Variants in GRIK4 observed in about 807,000 individuals in gnomAD.
The protein encoded by GRIK4 is glutamate receptor ionotropic, kainate 4.
A neutral mutation model predicts 104.9 loss-of-function variants in GRIK4; 40 were observed. That is an observed-to-expected ratio of 0.38 (90% confidence interval 0.30 to 0.50). The LOEUF is 0.50. Among genes scored for constraint, GRIK4 ranks in the 20% least tolerant of loss-of-function variants. The pLI, the probability that GRIK4 is intolerant of heterozygous loss-of-function variation, is 0.93. For synonymous variants in GRIK4, 485 were observed against 524.9 expected (o/e 0.92, Z 1.04); for missense variants, 1,047 against 1,308.1 (o/e 0.80, Z 3.08).
chr11:120,980,915 C>T (rs1047966870), intron 19 of GRIK4, among the ~76,000 whole-genome samples: 8 of 152,194 alleles, frequency 5.3e-5, no homozygotes, highest in Admixed American at 5.2e-4. Context: ...ACTGAAATGG[C>T]CATAGAGCTA....
chr11:120,812,118 G>A (rs1211561915), intron 4 of GRIK4, among the ~76,000 whole-genome samples: 2 of 152,218 alleles, frequency 1.3e-5, no homozygotes, highest in East Asian at 3.8e-4. Context: ...CTGGAACCAT[G>A]GCAGTAGACG....
chr11:120,798,225 G>T (rs575941266), intron 3 of GRIK4, among the ~76,000 whole-genome samples: 2 of 133,260 alleles, frequency 1.5e-5, no homozygotes, highest in Non-Finnish European at 3.1e-5. Flanking sequence ...CTGGAGTGCA[G>T]TGGCACAATC....
rs181715679 is a variant in GRIK4 at position 120,924,335 on chromosome 11, T to A, written c.1477-16012T>A. The stretch of plus-strand genomic sequence containing the variant: ...ACCGTGGCAGCAGCCCTGGCTCCCC[T>A]TCCAGGCTCCTCACCACAGAGTCAG... On this transcript the variant is annotated intron_variant, in intron 13 of 20. Coordinates refer to ENST00000527524, the MANE Select transcript of GRIK4 (RefSeq NM_014619.5). 2.5e-3 allele frequency among the ~76,000 whole-genome samples: 377 copies of A among 152,240 alleles called. 1 individual carries two copies. Among genetic ancestry groups the A allele is most frequent in the Non-Finnish European group, 3.9e-3 (264 of 67,994 alleles).
chr11:120,718,944 G>C (rs1367833368), intron 3 of GRIK4, among the ~76,000 whole-genome samples: 1 of 152,192 alleles, frequency 6.6e-6, no homozygotes, highest in Non-Finnish European at 1.5e-5. Context: ...CCATAGGAAT[G>C]GTTTGCTAAG....
chr11:120,596,296 A>G (rs1471085138), intron 1 of GRIK4, among the ~76,000 whole-genome samples: 1 of 152,266 alleles, frequency 6.6e-6, no homozygotes, highest in Non-Finnish European at 1.5e-5. Flanking sequence ...TAAAGATGAA[A>G]AAGAAATTGT....
intron 6 of GRIK4, among the ~76,000 whole-genome samples, chr11:120,820,141 G>A (rs1174116547): frequency 6.6e-6 from 1 of 151,956 alleles, no homozygotes; most frequent in African/African-American, 2.4e-5. Flanking sequence ...GAAAAAGAGA[G>A]AAAGAGAGAG....
At chr11:120,978,568 G>C (rs745995014) in intron 19 of GRIK4, among the ~76,000 whole-genome samples, 1 of 152,198 alleles carries the variant, frequency 6.6e-6, no homozygotes, top group Non-Finnish European at 1.5e-5. Context: ...CAACTGTGTA[G>C]TGTGCAGAGT....
chr11:120,603,058 GAGA>G (rs1309840222), intron 1 of GRIK4, among the ~76,000 whole-genome samples: 1 of 152,250 alleles, frequency 6.6e-6, no homozygotes, highest in African/African-American at 2.4e-5. Flanking sequence ...GAAGGTAGGA[GAGA>G]AGGAGGAAGG....
chr11:120,598,804 C>T (rs1161695081), intron 1 of GRIK4, among the ~76,000 whole-genome samples: 1 of 152,228 alleles, frequency 6.6e-6, no homozygotes, highest in East Asian at 1.9e-4. Flanking sequence ...GGCTTGGACC[C>T]TGTCTATCTT....
At chr11:120,662,254 A>G (rs1949829908) in intron 3 of GRIK4, among the ~76,000 whole-genome samples, 1 of 152,174 alleles carries the variant, frequency 6.6e-6, no homozygotes, top group Non-Finnish European at 1.5e-5. Flanking sequence ...AGCTCTGTCA[A>G]GACTGCTGGC....
intron 3 of GRIK4, among the ~76,000 whole-genome samples, chr11:120,664,594 T>C (rs1949874367): frequency 6.6e-6 from 1 of 152,208 alleles, no homozygotes. Context: ...TGAACCTGTC[T>C]CCAAAGCTGT....
At chr11:120,541,844 C>T (rs774208003) in intron 1 of GRIK4, among the ~76,000 whole-genome samples, 2 of 151,976 alleles carry the variant, frequency 1.3e-5, no homozygotes, top group Non-Finnish European at 2.9e-5. Context: ...TGGAAGATAT[C>T]CCATGGATTA....
chr11:120,848,237 T>A (rs1020548055), intron 8 of GRIK4, among the ~76,000 whole-genome samples: 1 of 152,196 alleles, frequency 6.6e-6, no homozygotes. Context: ...ATTGACGAAC[T>A]ACATCCAGAG....
chr11:120,580,211 C>G (rs1348318731), intron 1 of GRIK4, among the ~76,000 whole-genome samples: 3 of 129,832 alleles, frequency 2.3e-5, no homozygotes, highest in Non-Finnish European at 4.6e-5. Context: ...TTCTTTCTTT[C>G]TTTCTTTCTT....
intron 14 of GRIK4, among the ~76,000 whole-genome samples, chr11:120,943,764 T>A (rs1943785233): frequency 6.6e-6 from 1 of 152,182 alleles, no homozygotes; most frequent in Admixed American, 6.5e-5. Flanking sequence ...AAAGTGAGCA[T>A]CTGGTGGCAA....
chr11:120,804,024 C>T (rs1250363096), intron 4 of GRIK4, among the ~76,000 whole-genome samples: 4 of 152,278 alleles, frequency 2.6e-5, no homozygotes, highest in East Asian at 1.9e-4. Context: ...TACAGTCCTC[C>T]GGCCTGTTGT....
intron 7 of GRIK4, among the ~76,000 whole-genome samples, chr11:120,832,890 G>C (rs999890841): frequency 3.9e-5 from 6 of 152,218 alleles, no homozygotes; most frequent in African/African-American, 1.4e-4. Context: ...GAACTTCGGA[G>C]AGAACGGGCC....
intron 11 of GRIK4, among the ~76,000 whole-genome samples, chr11:120,875,710 C>T (rs1013101857): frequency 6.6e-6 from 1 of 152,100 alleles, no homozygotes; most frequent in African/African-American, 2.4e-5. Context: ...AATGACACAG[C>T]TCCTCTCCTG....
intron 12 of GRIK4, among the ~76,000 whole-genome samples, chr11:120,900,799 C>T (rs1322023093): frequency 6.6e-6 from 1 of 152,172 alleles, no homozygotes; most frequent in Admixed American, 6.5e-5. Context: ...GGGTTTCACC[C>T]ACGCCCATCT....
Sources: allele counts gnomAD v4.1 joint callset (sites outside exome capture counted in the v4.1 genomes callset), GRCh38; gene constraint gnomAD v4.1.1; transcripts MANE v1.5; gene names NCBI Gene and HGNC (gene_info 2026-07-23, HGNC 2026-07-21).